Variants in CSGALNACT1 observed in about 807,000 individuals in gnomAD.
The protein encoded by CSGALNACT1 is beta4GalNAcT-1.
In CSGALNACT1, 52 loss-of-function variants were observed where a neutral mutation model predicts 51.0. The ratio of observed to expected loss-of-function variants is 1.02; its 90% CI spans 0.82 to 1.29. The LOEUF is 1.29. Ranked by LOEUF, CSGALNACT1 falls within the 50% of genes most tolerant of loss-of-function variation. The pLI is 0.00. For missense variants in CSGALNACT1, 935 were observed against 679.2 expected (o/e 1.38, Z -4.19); for synonymous variants, 341 against 254.4 (o/e 1.34, Z -3.24).
At chr8:19,552,011 C>G (rs541913994) in intron 3 of CSGALNACT1, among the ~76,000 whole-genome samples, 1 of 152,082 alleles carries the variant, frequency 6.6e-6, no homozygotes, top group Admixed American at 6.6e-5. Flanking sequence ...CTGGATCATA[C>G]CCTGGCAAAA....
Position 19,505,731 on chromosome 8 carries a change from G to T in CSGALNACT1, c.104C>A (p.Thr35Asn), listed in dbSNP as rs746976765. The T allele has an allele frequency of 3.1e-6, 5 of 1,614,174 alleles. No homozygotes were observed. The highest frequency in any genetic ancestry group is 3.3e-5 in the Admixed American group (2 of 60,026). Reference sequence around the variant, plus strand: ...CAGCTGCTCCTCGTCACCTTTTGGGGTGCAGGCCAACATGTACAGGACAGA... The same window carrying T: ...CAGCTGCTCCTCGTCACCTTTTGGGTTGCAGGCCAACATGTACAGGACAGA... Residue 35 changes from threonine (T) to asparagine (N), a missense_variant, in exon 4 of 10, where the codon ACC becomes AAC. Thr to Asn is a moderately conservative substitution (Grantham distance 65). Coordinates refer to ENST00000454498, the Ensembl canonical transcript of CSGALNACT1.
At position 19,655,009 on chromosome 8, in the gene CSGALNACT1, T is replaced by C. The variant is rs181764625; in HGVS notation, c.-544+27464A>G. Among the ~76,000 whole-genome samples the C allele has an allele frequency of 3.5e-4, 54 of 152,278 alleles. No homozygotes were observed. In the East Asian group the frequency reaches 9.1e-3, roughly 26 times the overall value. Reference sequence around the variant, plus strand: ...AATTAAAAAGGAAGAAAGACTGACATACATTCCTTTATTTAAAAAATGGGT... The same window carrying C: ...AATTAAAAAGGAAGAAAGACTGACACACATTCCTTTATTTAAAAAATGGGT... On this transcript the variant is annotated intron_variant, in intron 1 of 9. Coordinates refer to the CSGALNACT1 transcript ENST00000332246.
chr8:19,682,969 G>C (rs372231704), upstream of CSGALNACT1: 3 of 295,226 alleles, frequency 1.0e-5, no homozygotes, highest in Admixed American at 4.2e-5. Context: ...GCAGTCCTTC[G>C]TAAACCAAAG....
intron 2 of CSGALNACT1, among the ~76,000 whole-genome samples, chr8:19,597,777 C>CT (rs1258275918): frequency 6.6e-6 from 1 of 152,216 alleles, no homozygotes; most frequent in Non-Finnish European, 1.5e-5. Context: ...TGATGAGGGT[C>CT]TTCAGACACC....
chr8:19,582,244 C>T (rs1283816671), intron 3 of CSGALNACT1, among the ~76,000 whole-genome samples: 2 of 152,158 alleles, frequency 1.3e-5, no homozygotes, highest in East Asian at 1.9e-4. Flanking sequence ...ATTAGAAGAA[C>T]ATGATTAAAG....
At position 19,520,739 on chromosome 8, in the gene CSGALNACT1, T is replaced by C. The variant is rs140478443; in HGVS notation, c.-296-14609A>G. Among the ~76,000 whole-genome samples, 13 of 152,342 alleles carry C rather than the reference T, an allele frequency of 8.5e-5. No homozygotes were observed. In the East Asian group the frequency reaches 2.5e-3, roughly 29 times the overall value. On this transcript the variant is annotated intron_variant, in intron 3 of 9. Transcript: ENST00000454498. ...TCTCTTTCAGTAGACTTTCCTCTCA[T>C]AATTATAACCCCATGCTATCTCCAT...
At chr8:19,715,571 A>C (rs2062757984) in intron 1 of CSGALNACT1, among the ~76,000 whole-genome samples, 3 of 152,296 alleles carry the variant, frequency 2.0e-5, no homozygotes, top group South Asian at 2.1e-4. Flanking sequence ...GCTGTTGTAA[A>C]TAGGGCTGTG....
At chr8:19,602,401 C>T (rs1280771009) in exon 1 of CSGALNACT1, 3 of 152,746 alleles carry the variant, frequency 2.0e-5, no homozygotes, top group South Asian at 4.1e-4. Flanking sequence ...AGAGCGCACA[C>T]GCTGGAAAAC....
chr8:19,471,307 G>A (rs982112896), intron 4 of CSGALNACT1, among the ~76,000 whole-genome samples: 1 of 152,094 alleles, frequency 6.6e-6, no homozygotes, highest in Non-Finnish European at 1.5e-5. Context: ...TGAATCATGG[G>A]GAAGAGGCGA....
intron 4 of CSGALNACT1, among the ~76,000 whole-genome samples, chr8:19,490,460 A>G (rs541225098): frequency 3.0e-4 from 46 of 152,304 alleles, no homozygotes; most frequent in African/African-American, 9.9e-4. Context: ...AGTACTGGGA[A>G]GGGGAAAAAA....
intron 3 of CSGALNACT1, among the ~76,000 whole-genome samples, chr8:19,560,676 A>G (rs1178259769): frequency 6.6e-6 from 1 of 152,214 alleles, no homozygotes; most frequent in Admixed American, 6.5e-5. Context: ...AGAGATATGA[A>G]TACACACCTT....
At chr8:19,457,082 GC>G (rs1271274305) in intron 5 of CSGALNACT1, among the ~76,000 whole-genome samples, 1 of 152,156 alleles carries the variant, frequency 6.6e-6, no homozygotes, top group Admixed American at 6.5e-5. Flanking sequence ...GCTTCCTGGT[GC>G]ACACACACAT....
intron 3 of CSGALNACT1, among the ~76,000 whole-genome samples, chr8:19,555,096 G>T (rs67389428): frequency 0.099 from 15,023 of 151,596 alleles, 813 homozygotes; most frequent in African/African-American, 0.14. Context: ...AAAATTAGCC[G>T]GGCGTGGTGC....
intron 3 of CSGALNACT1, among the ~76,000 whole-genome samples, chr8:19,514,013 G>A (rs544297237): frequency 1.3e-3 from 196 of 152,208 alleles, no homozygotes; most frequent in African/African-American, 4.2e-3. Context: ...GGGTTTTCAG[G>A]TGTCAGAGAT....
chr8:19,544,568 C>A (rs753817726), intron 3 of CSGALNACT1, among the ~76,000 whole-genome samples: 11 of 152,064 alleles, frequency 7.2e-5, no homozygotes, highest in Admixed American at 2.0e-4. Context: ...GATTGAATGA[C>A]CCTTTTGCTT....
In CSGALNACT1 at chr8:19,650,898, G is replaced by A. The variant is rs1001452583; in HGVS notation, c.-544+31575C>T. Among the ~76,000 whole-genome samples the A allele has an allele frequency of 1.1e-4, 16 of 152,204 alleles. No homozygotes were observed. The South Asian group carries it at 1.5e-3, about 14-fold the overall frequency. ...AGGTGAAGAGTCACGAGTTGCTCCC[G>A]TGTCCTTAGCAATTTTAACTGTTCA... is the stretch of plus-strand genomic sequence containing the variant. On this transcript the variant is annotated intron_variant, in intron 1 of 9. Transcript: ENST00000332246.
intron 3 of CSGALNACT1, among the ~76,000 whole-genome samples, chr8:19,590,264 G>A (rs918199599): frequency 2.0e-5 from 3 of 152,186 alleles, no homozygotes; most frequent in South Asian, 4.1e-4. Context: ...GGTACGCTGA[G>A]GCATCAAAGG....
At chr8:19,633,830 T>C (rs1300905999) in intron 1 of CSGALNACT1, among the ~76,000 whole-genome samples, 1 of 151,992 alleles carries the variant, frequency 6.6e-6, no homozygotes, top group Non-Finnish European at 1.5e-5. Context: ...CAAACAGGGG[T>C]TCAAACCCTT....
chr8:19,551,401 C>CA (rs1467210746), intron 3 of CSGALNACT1, among the ~76,000 whole-genome samples: 1 of 152,196 alleles, frequency 6.6e-6, no homozygotes, highest in African/African-American at 2.4e-5. Flanking sequence ...CCCTTCCCTT[C>CA]AAGCCAATCT....
Sources: allele counts gnomAD v4.1 joint callset (sites outside exome capture counted in the v4.1 genomes callset), GRCh38; gene constraint gnomAD v4.1.1; transcripts MANE v1.5; gene names NCBI Gene and HGNC (gene_info 2026-07-23, HGNC 2026-07-21).